The following MNAT1 variants were observed in gnomAD, a reference collection of about 807,000 sequenced individuals.
MNAT1 encodes the protein MNAT1 component of CDK activating kinase.
A neutral mutation model predicts 42.0 loss-of-function variants in MNAT1; 43 were observed. The ratio of observed to expected loss-of-function variants is 1.02; its 90% CI spans 0.80 to 1.32. MNAT1 has a LOEUF of 1.32. MNAT1 is among the 40% of genes most tolerant of loss of function. MNAT1 has a pLI of 0.00. For synonymous variants in MNAT1, 118 were observed against 120.0 expected (o/e 0.98, Z 0.11); for missense variants, 306 against 350.4 (o/e 0.87, Z 1.01).
At chr14:60,818,889 A>C (rs760406109) in intron 6 of MNAT1, 42 bp downstream of exon 6, 1 of 1,597,360 alleles carries the variant, frequency 6.3e-7, no homozygotes, top group African/African-American at 1.3e-5. Context: ...ATATTTTTTC[A>C]AGGATTATGC....
intron 7 of MNAT1, among the ~76,000 whole-genome samples, chr14:60,950,914 A>C (rs1339828110): frequency 1.3e-5 from 2 of 152,200 alleles, no homozygotes; most frequent in African/African-American, 4.8e-5. Context: ...ATTTTTTAAA[A>C]TGATGGCAAA....
chr14:60,813,304 G>T (rs1019709158), intron 5 of MNAT1, among the ~76,000 whole-genome samples: 4 of 152,194 alleles, frequency 2.6e-5, no homozygotes, highest in Non-Finnish European at 5.9e-5. Flanking sequence ...CAGCTGGCTA[G>T]ATCTGCGCTG....
chr14:60,930,633 A>G (rs2035865690), intron 7 of MNAT1, among the ~76,000 whole-genome samples: 1 of 152,194 alleles, frequency 6.6e-6, no homozygotes, highest in Non-Finnish European at 1.5e-5. Context: ...TGGACATTCA[A>G]CTTCATTTTA....
At chr14:60,938,969 A>G (rs1466542101) in intron 7 of MNAT1, among the ~76,000 whole-genome samples, 2 of 152,134 alleles carry the variant, frequency 1.3e-5, no homozygotes, top group Non-Finnish European at 2.9e-5. Context: ...GGGAGGGTGT[A>G]TGTGTCAAGG....
chr14:60,779,887 G>A, intron 1 of MNAT1: 2 of 731,640 alleles, frequency 2.7e-6, no homozygotes, highest in Non-Finnish European at 4.7e-6. Flanking sequence ...GAAACTCTTG[G>A]CGGGGAAGTG....
At chr14:60,882,164 A>AAAACC (rs1453847378) in intron 7 of MNAT1, among the ~76,000 whole-genome samples, 1 of 152,054 alleles carries the variant, frequency 6.6e-6, no homozygotes, top group East Asian at 1.9e-4. Context: ...CAAACAAAAC[A>AAAACC]AAACCAAAAA....
intron 7 of MNAT1, among the ~76,000 whole-genome samples, chr14:60,940,329 G>A (rs916587407): frequency 3.3e-5 from 5 of 152,202 alleles, no homozygotes; most frequent in African/African-American, 4.8e-5. Flanking sequence ...TCCTAGCCTC[G>A]ATGGTCTTTA....
chr14:60,924,646 A>G (rs2035729765), intron 7 of MNAT1, among the ~76,000 whole-genome samples: 1 of 152,214 alleles, frequency 6.6e-6, no homozygotes, highest in Admixed American at 6.5e-5. Flanking sequence ...CTGACTCTCA[A>G]AATAAAATAC....
chr14:60,923,754 G>A (rs773467452), intron 7 of MNAT1, among the ~76,000 whole-genome samples: 4 of 152,100 alleles, frequency 2.6e-5, no homozygotes, highest in East Asian at 3.9e-4. Context: ...TGAGGCAGGC[G>A]GATTACTTGA....
chr14:60,966,122 C>A (rs1594918327), intron 7 of MNAT1, among the ~76,000 whole-genome samples: 1 of 151,766 alleles, frequency 6.6e-6, no homozygotes, highest in Non-Finnish European at 1.5e-5. Flanking sequence ...AGTTTAACAA[C>A]GACTATTTTT....
intron 1 of MNAT1, among the ~76,000 whole-genome samples, chr14:60,778,946 A>G (rs2031348679): frequency 6.6e-6 from 1 of 152,210 alleles, no homozygotes; most frequent in African/African-American, 2.4e-5. Context: ...TGAGGAATTT[A>G]TGCTTTCCAT....
At chr14:60,747,733 T>C (rs374078703) in intron 1 of MNAT1, among the ~76,000 whole-genome samples, 1 of 152,204 alleles carries the variant, frequency 6.6e-6, no homozygotes, top group South Asian at 2.1e-4. Flanking sequence ...ATTTTCTTTC[T>C]TCAATAATAA....
chr14:60,780,362 C>T (rs1047989699), intron 1 of MNAT1: 9 of 1,579,022 alleles, frequency 5.7e-6, no homozygotes, highest in Admixed American at 3.3e-5. Flanking sequence ...GGATGAAATC[C>T]GTTCAGTCAT....
chr14:60,944,926 CTT>C (rs2036242576), intron 7 of MNAT1, among the ~76,000 whole-genome samples: 1 of 152,122 alleles, frequency 6.6e-6, no homozygotes, highest in Non-Finnish European at 1.5e-5. Context: ...AGTGTTAACT[CTT>C]TGCTCCAAGG....
chr14:60,868,098 T>C (rs2034246006), intron 6 of MNAT1, among the ~76,000 whole-genome samples: 1 of 152,006 alleles, frequency 6.6e-6, no homozygotes, highest in Admixed American at 6.6e-5. Flanking sequence ...CAAAGAAATG[T>C]TACTCAGAAT....
chr14:60,738,495 C>G (rs1896373167), intron 1 of MNAT1, among the ~76,000 whole-genome samples: 1 of 151,938 alleles, frequency 6.6e-6, no homozygotes, highest in Non-Finnish European at 1.5e-5. Context: ...ACTTCGTGAT[C>G]CAGCCGCCTC....
chr14:60,837,621 G>A (rs2033430003), intron 6 of MNAT1, among the ~76,000 whole-genome samples: 1 of 152,182 alleles, frequency 6.6e-6, no homozygotes, highest in Admixed American at 6.5e-5. Flanking sequence ...CCCGCCTTCT[G>A]CATTGATCTT....
At chr14:60,879,310 G>C (rs1213503045) in intron 6 of MNAT1, among the ~76,000 whole-genome samples, 1 of 152,030 alleles carries the variant, frequency 6.6e-6, no homozygotes, top group Non-Finnish European at 1.5e-5. Flanking sequence ...CTTCCAACTA[G>C]GTGCTGTTCA....
intron 6 of MNAT1, among the ~76,000 whole-genome samples, chr14:60,850,545 T>C (rs1181292233): frequency 6.6e-6 from 1 of 152,230 alleles, no homozygotes; most frequent in Non-Finnish European, 1.5e-5. Flanking sequence ...TGGGTTTTAA[T>C]GTTTGAGAGC....
Sources: allele counts gnomAD v4.1 joint callset (sites outside exome capture counted in the v4.1 genomes callset), GRCh38; gene constraint gnomAD v4.1.1; transcripts MANE v1.5; gene names NCBI Gene and HGNC (gene_info 2026-07-23, HGNC 2026-07-21).